Variants in PTPRN2 observed in about 807,000 individuals in gnomAD.
PTPRN2 encodes the protein receptor-type tyrosine-protein phosphatase N2.
In PTPRN2, 74 loss-of-function variants were observed where a neutral mutation model predicts 118.8. The observed-to-expected ratio is 0.62, with a 90% CI of 0.52 to 0.76. PTPRN2 has a LOEUF of 0.76. Ranked by LOEUF, PTPRN2 falls within the 30% of genes least tolerant of loss-of-function variation. PTPRN2 has a pLI of 0.00. For missense variants in PTPRN2, 1,481 were observed against 1,394.4 expected, an observed-to-expected ratio of 1.06 and a Z score of -0.99; for synonymous variants, 641 against 608.0, an observed-to-expected ratio of 1.05 and a Z score of -0.80.
At chr7:158,351,684 A>G (rs1807948414) in intron 2 of PTPRN2, among the ~76,000 whole-genome samples, 1 of 152,130 alleles carries the variant, frequency 6.6e-6, no homozygotes, top group Non-Finnish European at 1.5e-5. Context: ...CTGCCCTGGC[A>G]TGCAGGCAGC....
Position 158,369,472 on chromosome 7 carries a change from G to A in PTPRN2, c.164-52540C>T, listed in dbSNP as rs564595717. Among the ~76,000 whole-genome samples the A allele has an allele frequency of 5.9e-5, 9 of 152,258 alleles. No homozygotes were observed. The South Asian group carries it at 1.9e-3, about 32-fold the overall frequency. On this transcript the variant is annotated intron_variant, in intron 2 of 22. Coordinates refer to ENST00000389418, the MANE Select transcript of PTPRN2 (RefSeq NM_002847.5). ...CCCAACCTGGGGCCACTGGGCAGAT[G>A]CTATCAGCACCAGGCTGACTTGAGG...
chr7:158,482,644 G>C (rs1304828516), intron 2 of PTPRN2, among the ~76,000 whole-genome samples: 1 of 152,182 alleles, frequency 6.6e-6, no homozygotes, highest in African/African-American at 2.4e-5. Flanking sequence ...TAGAAAATCT[G>C]TGTGACTCAC....
intron 22 of PTPRN2, among the ~76,000 whole-genome samples, chr7:157,543,650 G>T (rs747695064): frequency 6.6e-6 from 1 of 152,246 alleles, no homozygotes; most frequent in Non-Finnish European, 1.5e-5. Flanking sequence ...AATCCTTCAG[G>T]TGTAAACAAA....
At position 157,763,404 on chromosome 7, in the gene PTPRN2, C is replaced by A. The variant is rs564512918; in HGVS notation, c.1789-80467G>T. Among the ~76,000 whole-genome samples the A allele has an allele frequency of 6.6e-6, 1 of 152,098 alleles. No individual in the cohort carries two copies. The highest frequency in any genetic ancestry group is 2.4e-5 in the African/African-American group (1 of 41,438). On this transcript the variant is annotated intron_variant, in intron 12 of 22. Transcript: ENST00000389418. This position sits in a 1 kb window ranked among gnomAD's most constrained non-coding sequence, Gnocchi z 4.9. ...TGCCCCAGTCACTGTGGCCATGGGG[C>A]GGCCTTCGCTCTGAGGCACAGGTTG... is the stretch of plus-strand genomic sequence containing the variant.
intron 12 of PTPRN2, among the ~76,000 whole-genome samples, chr7:157,859,710 CCCG>C (rs1340304241): frequency 1.4e-4 from 9 of 64,044 alleles, no homozygotes; most frequent in African/African-American, 6.6e-4. Flanking sequence ...CAGGGAGAGC[CCCG>C]TCACCACCCA....
chr7:158,203,401 G>T (rs1017723909), intron 4 of PTPRN2, among the ~76,000 whole-genome samples: 1 of 152,036 alleles, frequency 6.6e-6, no homozygotes, highest in African/African-American at 2.4e-5. Context: ...TAATAAAACT[G>T]GCACTGTTTT....
At chr7:158,524,458 GCCCTGGAGCGGAGT>G (rs1824607476) in intron 1 of PTPRN2, among the ~76,000 whole-genome samples, 1 of 52,322 alleles carries the variant, frequency 1.9e-5, no homozygotes, top group African/African-American at 7.0e-5. Context: ...AGCGGAGTCT[GCCCTGGAGCGGAGT>G]CTGCCCTGGA....
intron 12 of PTPRN2, among the ~76,000 whole-genome samples, chr7:157,776,395 CCAT>C (rs1563096547): frequency 1.0e-5 from 1 of 97,048 alleles, no homozygotes; most frequent in Non-Finnish European, 2.3e-5. Context: ...TCCTCCTCCT[CCAT>C]CTCCTCCTCC....
chr7:157,681,630 A>T (rs1230030655), intron 13 of PTPRN2, among the ~76,000 whole-genome samples: 2 of 152,140 alleles, frequency 1.3e-5, no homozygotes, highest in Non-Finnish European at 2.9e-5. Context: ...TAAATTCCTT[A>T]TGTGGGGGAG....
At chr7:157,837,988 C>G (rs767084433) in intron 12 of PTPRN2, among the ~76,000 whole-genome samples, 1 of 151,536 alleles carries the variant, frequency 6.6e-6, no homozygotes, top group Non-Finnish European at 1.5e-5. Flanking sequence ...AGCTCCTCTC[C>G]ACTATGCCTA....
chr7:158,336,687 GCCC>G (rs2151194650), intron 2 of PTPRN2, among the ~76,000 whole-genome samples: 1 of 76,980 alleles, frequency 1.3e-5, no homozygotes, highest in Admixed American at 1.3e-4. Context: ...AAGAGCTGAC[GCCC>G]GCAGACGTCA....
At chr7:158,090,407 A>G (rs919311845) in intron 10 of PTPRN2, among the ~76,000 whole-genome samples, 11 of 152,254 alleles carry the variant, frequency 7.2e-5, no homozygotes, top group Admixed American at 6.5e-4. Context: ...ACTACCTTTA[A>G]CCAAAATAAG....
Position 157,831,160 on chromosome 7 carries a change from G to T in PTPRN2, c.1788+67513C>A, listed in dbSNP as rs776117407. Among the ~76,000 whole-genome samples the T allele has an allele frequency of 1.3e-5, 2 of 152,194 alleles. No homozygotes were observed. The highest frequency in any genetic ancestry group is 2.9e-5 in the Non-Finnish European group (2 of 68,030). On this transcript the variant is annotated intron_variant, in intron 12 of 22. Transcript: ENST00000389418. This position sits in a 1 kb window ranked among gnomAD's most constrained non-coding sequence, Gnocchi z 4.8. ...ATAAAGGGAGAAGCACAGGAAGAGGGACTCCTTGCTGTGAGCCCAGCTGTG... is the reference window on the plus strand; with the variant it reads ...ATAAAGGGAGAAGCACAGGAAGAGGTACTCCTTGCTGTGAGCCCAGCTGTG...
intron 11 of PTPRN2, among the ~76,000 whole-genome samples, chr7:157,997,598 C>T (rs1052625487): frequency 2.6e-5 from 4 of 151,948 alleles, no homozygotes; most frequent in East Asian, 3.9e-4. Flanking sequence ...AAAGCCACGT[C>T]AGCAGCCAGA....
rs369160442 is a variant in PTPRN2 at position 158,504,467 on chromosome 7, TGTTA to T, written c.113-14686_113-14683del. ...TGCAGTGTTTGGTTTTCTGTTCCTG[TGTTA>T]GTTTGCCGAGGATAACAGCTTCCCG... On this transcript the variant is annotated intron_variant, in intron 1 of 22. Coordinates refer to ENST00000389418, the MANE Select transcript of PTPRN2 (RefSeq NM_002847.5). Among the ~76,000 whole-genome samples the T allele has an allele frequency of 3.7e-4, 56 of 152,286 alleles. No individual in the cohort carries two copies. In the East Asian group the frequency reaches 8.9e-3, roughly 24 times the overall value.
At chr7:158,467,591 G>A (rs143458429) in intron 2 of PTPRN2, among the ~76,000 whole-genome samples, 4 of 152,148 alleles carry the variant, frequency 2.6e-5, no homozygotes, top group African/African-American at 9.6e-5. Context: ...CTTGTGTTTG[G>A]GTCTTTAACC....
intron 2 of PTPRN2, among the ~76,000 whole-genome samples, chr7:158,359,337 CA>C (rs1808652982): frequency 6.6e-6 from 1 of 152,300 alleles, no homozygotes; most frequent in South Asian, 2.1e-4. Context: ...GATGTTTTTT[CA>C]AGAAACTTAA....
chr7:157,997,704 T>A (rs1239930568), intron 11 of PTPRN2, among the ~76,000 whole-genome samples: 1 of 141,254 alleles, frequency 7.1e-6, no homozygotes, highest in Non-Finnish European at 1.5e-5. Context: ...GGGGGAGGAG[T>A]GCAGGGAGGG....
At chr7:158,069,152 C>T (rs1032718498) in intron 11 of PTPRN2, among the ~76,000 whole-genome samples, 22 of 152,156 alleles carry the variant, frequency 1.4e-4, no homozygotes, top group African/African-American at 5.1e-4. Flanking sequence ...GTGCCTGACA[C>T]GGTGGGTCTT....
Sources: allele counts gnomAD v4.1 joint callset (sites outside exome capture counted in the v4.1 genomes callset), GRCh38; gene constraint gnomAD v4.1.1; non-coding constraint Gnocchi (gnomAD v3.1); transcripts MANE v1.5; gene names NCBI Gene and HGNC (gene_info 2026-07-23, HGNC 2026-07-21).